Variants in SLC19A1 observed in about 807,000 individuals in gnomAD.
SLC19A1 encodes the protein solute carrier family 19 member 1.
In SLC19A1, 37 loss-of-function variants were observed where a neutral mutation model predicts 35.3. The ratio of observed to expected loss-of-function variants is 1.05; its 90% confidence interval spans 0.81 to 1.38. The LOEUF (loss-of-function observed/expected upper bound fraction) is 1.38. Ranked by LOEUF, SLC19A1 falls within the 40% of genes most tolerant of loss-of-function variation. The pLI is 0.00. For synonymous variants in SLC19A1, 460 were observed against 398.5 expected, an observed-to-expected ratio of 1.15 and a Z score of -1.84; for missense variants, 831 against 826.9, an observed-to-expected ratio of 1.00 and a Z score of -0.06.
intron 1 of SLC19A1, among the ~76,000 whole-genome samples, chr21:45,560,304 T>C (rs970963934): frequency 1.3e-5 from 2 of 152,170 alleles, no homozygotes; most frequent in Non-Finnish European, 2.9e-5. Context: ...GGACACTCCA[T>C]GTCCATCACC....
Position 45,525,906 on chromosome 21 carries a change from C to A in SLC19A1, c.1204G>T (p.Val402Phe). ...SKELCALVFGVNTFFATIVKT... is the reference protein window; with the variant it reads ...SKELCALVFGFNTFFATIVKT... ...ACGATGGTGGCAAAGAACGTGTTGA[C>A]CCCGAAGACCAGGGCACAGAGCTCT... is the stretch of plus-strand genomic sequence containing the variant. The change falls in exon 5 of 6, where the codon GTC (valine) becomes TTC (phenylalanine). Residue 402 changes from valine to phenylalanine, a missense_variant. Transcript: ENST00000311124. The A allele has an allele frequency of 6.2e-7, 1 of 1,613,676 alleles. No individual in the cohort carries two copies. Among genetic ancestry groups the A allele is most frequent in the Non-Finnish European group, 8.5e-7 (1 of 1,179,962 alleles).
At chr21:45,504,403 T>TTTCCG in intron 3 of SLC19A1, 1 of 1,610,254 alleles carries the variant, frequency 6.2e-7, no homozygotes, top group Admixed American at 1.7e-5. Context: ...GTAACAAGTG[T>TTTCCG]TTCCGTCCAC....
intron 1 of SLC19A1, among the ~76,000 whole-genome samples, chr21:45,539,289 C>T (rs574684727): frequency 5.9e-5 from 9 of 152,308 alleles, no homozygotes; most frequent in South Asian, 2.1e-4. Context: ...GCAGAGTGCA[C>T]GTGGAAAGGC....
At chr21:45,512,537 C>T (rs1602669500), downstream of SLC19A1, 2 of 764,702 alleles carry the variant, frequency 2.6e-6, no homozygotes, top group East Asian at 2.7e-5. Context: ...TTCATGTAAT[C>T]CTCAAGAAAT....
At chr21:45,512,186 A>T (rs77010807), downstream of SLC19A1, 1 of 1,611,432 alleles carries the variant, frequency 6.2e-7, no homozygotes, top group East Asian at 2.2e-5. Context: ...CGCGTCTTAC[A>T]GGCCCCAGAA....
chr21:45,519,570 C>CAAA (rs57639933), intron 5 of SLC19A1, among the ~76,000 whole-genome samples: 30 of 57,202 alleles, frequency 5.2e-4, no homozygotes, highest in African/African-American at 9.3e-4. Context: ...AACTTCTGAG[C>CAAA]AAAAAAAAAA....
At chr21:45,520,401 A>T (rs2077402198) in intron 5 of SLC19A1, among the ~76,000 whole-genome samples, 1 of 152,256 alleles carries the variant, frequency 6.6e-6, no homozygotes, top group African/African-American at 2.4e-5. Flanking sequence ...TGCAGATGAC[A>T]TAATTATCTA....
chr21:45,504,080 G>A (rs1193138502), intron 3 of SLC19A1: 46 of 1,612,660 alleles, frequency 2.9e-5, no homozygotes, highest in Non-Finnish European at 3.7e-5. Context: ...GTGGGGTTGG[G>A]GGCCCCCAAG....
rs770714794 is a variant in SLC19A1, at chr21:45,505,126, G to A, written c.498-6514C>T. Reference sequence around the variant, plus strand: ...TAACCAGGAAGCGTCTCTTGTCGCCGTCCGTAGGGTCCCAAGGGAGAGAGC... The same window carrying A: ...TAACCAGGAAGCGTCTCTTGTCGCCATCCGTAGGGTCCCAAGGGAGAGAGC... On this transcript the variant is annotated intron_variant, in intron 3 of 4. Coordinates refer to the SLC19A1 transcript ENST00000417954. 4.5e-5 allele frequency: 72 copies of A among 1,607,434 alleles called. No individual in the cohort carries two copies. The highest frequency in any genetic ancestry group is 1.0e-4 in the Admixed American group (6 of 59,602).
At position 45,531,555 on chromosome 21, in the gene SLC19A1, G is replaced by A; in HGVS notation, c.783C>T (p.Ser261=). ...LARMLRELGD[S]LRRPQLRLWS... ...ACAGGCGCAGCTGCGGCCGCCGCAG[G>A]CTGTCCCCCAGCTCCCGCAGCATCC... Residue 261 remains serine (S), a synonymous_variant, in exon 3 of 6, where the codon AGC becomes AGT. Coordinates refer to ENST00000311124, the MANE Select transcript of SLC19A1 (RefSeq NM_194255.4). 1 of 1,612,444 alleles carries A rather than the reference G, an allele frequency of 6.2e-7. No homozygotes were observed.
Position 45,537,766 on chromosome 21 carries a change from C to A in SLC19A1, c.189+5G>T. 1 of 1,472,618 alleles carries A rather than the reference C, an allele frequency of 6.8e-7. No homozygotes were observed. The highest frequency in any genetic ancestry group is 9.0e-7 in the Non-Finnish European group (1 of 1,108,288). The allele number at this position is 1,472,618 out of a possible 1,614,324, so 91.2% of individuals were successfully genotyped here. A position where few individuals can be genotyped will look rare whatever the true frequency, so the allele number is the denominator to read the frequency against. On this transcript the variant is annotated splice_donor_5th_base_variant and intron_variant, in intron 2 of 5. Coordinates refer to ENST00000311124, the MANE Select transcript of SLC19A1 (RefSeq NM_194255.4). Reference sequence around the variant, plus strand: ...CGGCCGCCCGGCACCCCGGCACCCACATGCCTGCTCCCGCGTGAAGTTCTT... The same window carrying A: ...CGGCCGCCCGGCACCCCGGCACCCAAATGCCTGCTCCCGCGTGAAGTTCTT...
chr21:45,555,674 G>A, intron 1 of SLC19A1, among the ~76,000 whole-genome samples: 1 of 151,990 alleles, frequency 6.6e-6, no homozygotes, highest in Non-Finnish European at 1.5e-5. Context: ...CGTGGGGAGT[G>A]CCTGAGGCTG....
intron 3 of SLC19A1, chr21:45,506,778 ACCTT>A (rs1568945889): frequency 0.069 from 3,558 of 51,254 alleles, 62 homozygotes; most frequent in African/African-American, 0.14. Flanking sequence ...GAACCCTCCC[ACCTT>A]CCCTCTGGAG....
Position 45,531,584 on chromosome 21 carries a change from C to G in SLC19A1, c.754G>C (p.Ala252Pro). Residue 252 changes from alanine to proline, a missense_variant, in exon 3 of 6, where the codon GCG (alanine) becomes CCG (proline). Coordinates refer to ENST00000311124, the MANE Select transcript of SLC19A1 (RefSeq NM_194255.4). ...TCCCCCAGCTCCCGCAGCATCCGCGCCAGCACTGAGTCCCCACAGGCCACC... is the reference window on the plus strand; with the variant it reads ...TCCCCCAGCTCCCGCAGCATCCGCGGCAGCACTGAGTCCCCACAGGCCACC... ...LRVACGDSVLARMLRELGDSL... is the reference protein window; with the variant it reads ...LRVACGDSVLPRMLRELGDSL... 1.2e-6 allele frequency: 2 copies of G among 1,612,398 alleles called. No homozygotes were observed. The highest frequency in any genetic ancestry group is 1.7e-6 in the Non-Finnish European group (2 of 1,179,730).
chr21:45,520,491 A>G (rs1366102032), intron 5 of SLC19A1, among the ~76,000 whole-genome samples: 1 of 152,242 alleles, frequency 6.6e-6, no homozygotes, highest in Non-Finnish European at 1.5e-5. Flanking sequence ...AATCTCAGCA[A>G]AATTGCAGTA....
intron 5 of SLC19A1, among the ~76,000 whole-genome samples, chr21:45,520,096 T>G (rs1264894031): frequency 1.3e-5 from 2 of 151,336 alleles, no homozygotes; most frequent in East Asian, 3.9e-4. Context: ...ACAACAAAAT[T>G]TGAAATAATG....
At position 45,536,704 on chromosome 21, in the gene SLC19A1, C is replaced by T. The variant is rs141013550; in HGVS notation, c.189+1067G>A. On this transcript the variant is annotated intron_variant, in intron 2 of 5. Transcript: ENST00000311124. ...TCTAGGGTCTGGGAGGGTTGGGGTC[C>T]GGCTTCCGGCCAGGAGACACAGGGA... Among the ~76,000 whole-genome samples, 441 of 152,228 alleles carry T rather than the reference C, an allele frequency of 2.9e-3. 2 individuals carry two copies. Among genetic ancestry groups the T allele is most frequent in the African/African-American group, 0.01 (418 of 41,510 alleles).
intron 4 of SLC19A1, among the ~76,000 whole-genome samples, chr21:45,527,847 T>C (rs1451455836): frequency 6.6e-6 from 1 of 151,312 alleles, no homozygotes; most frequent in African/African-American, 2.4e-5. Context: ...AGGCACCACA[T>C]TCCTGACATG....
At chr21:45,516,430 G>T (rs940660837) in intron 5 of SLC19A1, among the ~76,000 whole-genome samples, 1 of 152,206 alleles carries the variant, frequency 6.6e-6, no homozygotes, top group African/African-American at 2.4e-5. Context: ...GTCTGCTCCC[G>T]AGTCCCCTGC....
Sources: allele counts gnomAD v4.1 joint callset (sites outside exome capture counted in the v4.1 genomes callset), GRCh38; gene constraint gnomAD v4.1.1; transcripts MANE v1.5; gene names NCBI Gene and HGNC (gene_info 2026-07-23, HGNC 2026-07-21).